NHSL1: variants seen among roughly 807,000 people sequenced by gnomAD.
NHSL1 encodes NHS like 1, also known as NHS-like protein 1.
A neutral mutation model predicts 95.0 loss-of-function variants in NHSL1; 48 were observed. That is an observed-to-expected ratio of 0.51 (90% CI 0.40 to 0.64). The LOEUF (loss-of-function observed/expected upper bound fraction) is 0.64. NHSL1 is among the 30% of genes least tolerant of loss of function. NHSL1 has a pLI of 0.00. For missense variants in NHSL1, 1,971 were observed against 2,077.7 expected, an observed-to-expected ratio of 0.95 and a Z score of 1.00; for synonymous variants, 783 against 833.9, an observed-to-expected ratio of 0.94 and a Z score of 1.05.
At chr6:138,521,893 A>C (rs918263689) in intron 1 of NHSL1, among the ~76,000 whole-genome samples, 3 of 152,202 alleles carry the variant, frequency 2.0e-5, no homozygotes, top group African/African-American at 7.2e-5. Flanking sequence ...ACATCAAGGG[A>C]AAGAGGGCAG....
At chr6:138,513,027 T>C (rs6570241) in intron 1 of NHSL1, among the ~76,000 whole-genome samples, 25,291 of 152,176 alleles carry the variant, frequency 0.17, 3,476 homozygotes, top group African/African-American at 0.38. Flanking sequence ...TTAAAATTCG[T>C]ACTTGATGTG....
chr6:138,568,245 T>C (rs993615374), intron 1 of NHSL1, among the ~76,000 whole-genome samples: 1 of 152,226 alleles, frequency 6.6e-6, no homozygotes, highest in Non-Finnish European at 1.5e-5. Context: ...ACAATTATCC[T>C]ACATTTTCTC....
chr6:138,666,548 C>A (rs1348500279), intron 1 of NHSL1, among the ~76,000 whole-genome samples: 1 of 139,870 alleles, frequency 7.1e-6, no homozygotes, highest in African/African-American at 2.7e-5. Flanking sequence ...GCTGAGATTG[C>A]ACCACTGCAT....
chr6:138,568,401 G>A (rs760300479), intron 1 of NHSL1, among the ~76,000 whole-genome samples: 13 of 152,074 alleles, frequency 8.5e-5, no homozygotes, highest in South Asian at 2.1e-4. Context: ...ACAACTTCAC[G>A]TGAAAAGTTA....
At position 138,565,972 on chromosome 6, in the gene NHSL1, C is replaced by G. The variant is rs1452017177; in HGVS notation, c.202+5738G>C. Among the ~76,000 whole-genome samples the G allele has an allele frequency of 3.3e-5, 5 of 150,792 alleles. No homozygotes were observed. The East Asian group carries it at 9.7e-4, about 29-fold the overall frequency. The stretch of plus-strand genomic sequence containing the variant: ...AAAAAAAAAAGCAAACAAACAAACC[C>G]CTCTAATTTGACAGAACATGTTATA... On this transcript the variant is annotated intron_variant, in intron 1 of 6. Transcript: ENST00000427025.
At chr6:138,490,066 T>C (rs184054744) in intron 2 of NHSL1, among the ~76,000 whole-genome samples, 281 of 151,968 alleles carry the variant, frequency 1.8e-3, no homozygotes, top group African/African-American at 6.4e-3. Flanking sequence ...AGGTCACATT[T>C]TGACCTAGGT....
chr6:138,505,899 T>G (rs1179255222), intron 1 of NHSL1, among the ~76,000 whole-genome samples: 1 of 152,192 alleles, frequency 6.6e-6, no homozygotes. Flanking sequence ...TAGGGTGTTT[T>G]TAAAAATCAA....
rs146826061 is a variant in NHSL1 at position 138,631,754 on chromosome 6, T to G, written c.96+60722A>C. The stretch of plus-strand genomic sequence containing the variant: ...AAGGGCCTTGGTGAGCCTCTGAGAC[T>G]CGTAGGTTTCAGTTATGTATGACCT... On this transcript the variant is annotated intron_variant, in intron 1 of 3. Coordinates refer to the NHSL1 transcript ENST00000491526. Among the ~76,000 whole-genome samples, 513 of 152,236 alleles carry G rather than the reference T, an allele frequency of 3.4e-3. 2 individuals are homozygous for G. Among genetic ancestry groups the G allele is most frequent in the African/African-American group, 0.012 (493 of 41,544 alleles).
At chr6:138,486,221 A>G (rs150364227) in intron 2 of NHSL1, among the ~76,000 whole-genome samples, 2 of 152,170 alleles carry the variant, frequency 1.3e-5, no homozygotes, top group African/African-American at 2.4e-5. Flanking sequence ...ACATGTAATA[A>G]TATCAGCTGT....
At chr6:138,633,330 C>T (rs181058432) in intron 1 of NHSL1, among the ~76,000 whole-genome samples, 1 of 152,166 alleles carries the variant, frequency 6.6e-6, no homozygotes, top group Admixed American at 6.5e-5. Flanking sequence ...ATATCACTAG[C>T]CAAGTACAAG....
intron 3 of NHSL1, among the ~76,000 whole-genome samples, chr6:138,454,090 A>C (rs1219618105): frequency 6.6e-6 from 1 of 152,110 alleles, no homozygotes; most frequent in East Asian, 1.9e-4. Context: ...ATTACTAAAA[A>C]CCTGCATCTC....
chr6:138,462,783 G>A (rs1194889983), intron 3 of NHSL1, among the ~76,000 whole-genome samples: 2 of 152,136 alleles, frequency 1.3e-5, no homozygotes, highest in African/African-American at 4.8e-5. Flanking sequence ...TAACCAATCA[G>A]GCTTTAGTGC....
At chr6:138,455,209 AAC>A (rs1309178207) in intron 3 of NHSL1, among the ~76,000 whole-genome samples, 13 of 152,238 alleles carry the variant, frequency 8.5e-5, no homozygotes, top group African/African-American at 2.7e-4. Context: ...GAGACCCAGT[AAC>A]ACATGATTGG....
At chr6:138,679,980 A>G (rs1785492978) in intron 1 of NHSL1, among the ~76,000 whole-genome samples, 1 of 152,186 alleles carries the variant, frequency 6.6e-6, no homozygotes, top group Admixed American at 6.5e-5. Context: ...AATACTCTCT[A>G]GGTTATGATT....
At chr6:138,628,184 T>C (rs914758072) in intron 1 of NHSL1, among the ~76,000 whole-genome samples, 6 of 150,892 alleles carry the variant, frequency 4.0e-5, no homozygotes, top group Non-Finnish European at 7.4e-5. Flanking sequence ...TGGTGGTACA[T>C]GCCTGTAATC....
chr6:138,530,808 G>A (rs991295722), intron 1 of NHSL1, among the ~76,000 whole-genome samples: 1 of 152,162 alleles, frequency 6.6e-6, no homozygotes, highest in East Asian at 1.9e-4. Flanking sequence ...GGACTTGGGG[G>A]AAAGGATGGG....
chr6:138,663,191 T>C (rs1785248755), intron 1 of NHSL1, among the ~76,000 whole-genome samples: 1 of 152,152 alleles, frequency 6.6e-6, no homozygotes, highest in African/African-American at 2.4e-5. Flanking sequence ...GCAAAAGATG[T>C]TACGACATTT....
intron 1 of NHSL1, among the ~76,000 whole-genome samples, chr6:138,533,505 G>A (rs888940928): frequency 7.9e-5 from 12 of 152,028 alleles, no homozygotes; most frequent in African/African-American, 2.9e-4. Context: ...CCGAGATCAC[G>A]CCACTGCACT....
intron 1 of NHSL1, among the ~76,000 whole-genome samples, chr6:138,639,671 T>C (rs1287102873): frequency 6.6e-6 from 1 of 150,500 alleles, no homozygotes; most frequent in Non-Finnish European, 1.5e-5. Context: ...CTGGGCGTGG[T>C]GGCACGCACT....
Sources: allele counts gnomAD v4.1 joint callset (sites outside exome capture counted in the v4.1 genomes callset), GRCh38; gene constraint gnomAD v4.1.1; transcripts MANE v1.5; gene names NCBI Gene and HGNC (gene_info 2026-07-23, HGNC 2026-07-21).